The following SLCO3A1 variants were observed in gnomAD, a reference collection of about 807,000 sequenced individuals.
SLCO3A1 encodes the protein PGE1 transporter.
Under a neutral mutation model 63.1 loss-of-function variants are expected in SLCO3A1, and 27 were observed. That is an observed-to-expected ratio of 0.43 (90% CI 0.32 to 0.59). The LOEUF (loss-of-function observed/expected upper bound fraction) is 0.59. SLCO3A1 is among the 20% of genes least tolerant of loss of function. SLCO3A1 has a pLI of 0.09. For synonymous variants in SLCO3A1, 473 were observed against 409.9 expected (o/e 1.15, Z -1.86); for missense variants, 773 against 945.8 (o/e 0.82, Z 2.40).
At position 91,872,347 on chromosome 15, in the gene SLCO3A1, G is replaced by A. The variant is rs986470781; in HGVS notation, c.180+18259G>A. Among the ~76,000 whole-genome samples, 4 of 151,972 alleles carry A rather than the reference G, an allele frequency of 2.6e-5. No individual in the cohort carries two copies. Among genetic ancestry groups the A allele is most frequent in the Non-Finnish European group, 4.4e-5 (3 of 67,980 alleles). On this transcript the variant is annotated intron_variant, in intron 1 of 9. Coordinates refer to ENST00000318445, the MANE Select transcript of SLCO3A1 (RefSeq NM_013272.4). The surrounding 1 kb of genome is among the most constrained non-coding windows in gnomAD (Gnocchi z 4.1). Reference sequence around the variant, plus strand: ...GGAGTTCGAGACCAGCCTGGCCAACGTGGTGAAACCCCTTCTCTACTAAAA... The same window carrying A: ...GGAGTTCGAGACCAGCCTGGCCAACATGGTGAAACCCCTTCTCTACTAAAA...
chr15:92,025,401 C>T (rs1334790368), intron 2 of SLCO3A1, among the ~76,000 whole-genome samples: 2 of 152,102 alleles, frequency 1.3e-5, no homozygotes, highest in Non-Finnish European at 2.9e-5. Flanking sequence ...ACACCATAGG[C>T]ACAAAAGCTA....
chr15:92,135,836 G>A (rs2048050611), intron 7 of SLCO3A1, among the ~76,000 whole-genome samples: 1 of 152,174 alleles, frequency 6.6e-6, no homozygotes, highest in Non-Finnish European at 1.5e-5. Context: ...ATGGCCTGTG[G>A]TGGTACTCCC....
At chr15:92,023,004 A>G (rs1178572007) in intron 2 of SLCO3A1, among the ~76,000 whole-genome samples, 1 of 152,170 alleles carries the variant, frequency 6.6e-6, no homozygotes, top group Non-Finnish European at 1.5e-5. Flanking sequence ...GAATCAACTG[A>G]GTGGATGGTT....
rs141045209 is a variant in SLCO3A1 at position 92,171,479 on chromosome 15, T to C, written c.1997-301T>C. 558 of 294,390 alleles carry C rather than the reference T, an allele frequency of 1.9e-3. 1 individual carries two copies. The highest frequency in any genetic ancestry group is 5.4e-3 in the Middle Eastern group (5 of 928). 18.2% of individuals were successfully genotyped at this position (294,390 alleles called of 1,614,324 possible). A position where few individuals can be genotyped will look rare whatever the true frequency, so the allele number is the denominator to read the frequency against. ...ACTAGTAATTTACATAAGATAAGGA[T>C]AAATTATTGACTGGGATACATCTTA... On this transcript the variant is annotated intron_variant, in intron 10 of 10. Coordinates refer to the SLCO3A1 transcript ENST00000424469.
At chr15:91,966,972 C>T (rs150795650) in intron 2 of SLCO3A1, among the ~76,000 whole-genome samples, 371 of 151,706 alleles carry the variant, frequency 2.4e-3, no homozygotes, top group African/African-American at 8.5e-3. Flanking sequence ...AAGACAAAAG[C>T]GTGGTGCAGT....
chr15:91,863,407 G>T lies in SLCO3A1; in HGVS notation c.180+9319G>T, dbSNP rs1406992276. 1.3e-5 allele frequency among the ~76,000 whole-genome samples: 2 copies of T among 152,258 alleles called. No homozygotes were observed. Among genetic ancestry groups the T allele is most frequent in the Non-Finnish European group, 2.9e-5 (2 of 68,042 alleles). ...GTTGGCTTTCGAGGTTGCTCGTGCA[G>T]TGTAGTGGGATGGCCGTGAGTACAA... On this transcript the variant is annotated intron_variant, in intron 1 of 9. Coordinates refer to ENST00000318445, the MANE Select transcript of SLCO3A1 (RefSeq NM_013272.4). The surrounding 1 kb of genome is among the most constrained non-coding windows in gnomAD (Gnocchi z 4.3).
chr15:92,004,774 G>C (rs558007049), intron 2 of SLCO3A1, among the ~76,000 whole-genome samples: 1 of 152,260 alleles, frequency 6.6e-6, no homozygotes, highest in Admixed American at 6.5e-5. Context: ...CATTAGTCCC[G>C]ACTGAAATCT....
At chr15:92,150,926 T>C (rs1332583779) in intron 8 of SLCO3A1, 24 bp from the exon 9 acceptor site, 7 of 1,584,320 alleles carry the variant, frequency 4.4e-6, no homozygotes, top group East Asian at 4.5e-5. Context: ...GGTTTTTTTT[T>C]TCTCTTCATC....
chr15:92,016,226 T>TAGATAGATAGATAGATA lies in SLCO3A1; in HGVS notation c.647-78654_647-78638dup, dbSNP rs1459819788. ...TTATATAGATAGATAGATAGATAGA[T>TAGATAGATAGATAGATA]AGATAGATAGATAGATAGATAGATA... On this transcript the variant is annotated intron_variant, in intron 2 of 9. Transcript: ENST00000318445. Among the ~76,000 whole-genome samples the TAGATAGATAGATAGATA allele has an allele frequency of 5.4e-4, 39 of 72,420 alleles. No homozygotes were observed. In the Admixed American group the frequency reaches 5.7e-3, roughly 11 times the overall value. The allele number at this position is 72,420 out of a possible 152,430, so 47.5% of individuals were successfully genotyped here.
intron 2 of SLCO3A1, among the ~76,000 whole-genome samples, chr15:91,929,010 T>A (rs1899129941): frequency 1.3e-5 from 2 of 151,620 alleles, no homozygotes; most frequent in Non-Finnish European, 1.5e-5. Flanking sequence ...GGGACAAAAA[T>A]GGTAAGAAGG....
intron 3 of SLCO3A1, among the ~76,000 whole-genome samples, chr15:92,098,508 G>A (rs1283998142): frequency 6.6e-6 from 1 of 152,204 alleles, no homozygotes; most frequent in African/African-American, 2.4e-5. Context: ...GGTGAGAACA[G>A]GACCTTGAAA....
At chr15:92,092,807 G>A (rs754863549) in intron 2 of SLCO3A1, among the ~76,000 whole-genome samples, 8 of 152,108 alleles carry the variant, frequency 5.3e-5, no homozygotes, top group Non-Finnish European at 1.0e-4. Context: ...TTATCTTAAA[G>A]TTATGACAAA....
At chr15:91,876,471 C>G (rs541445880) in intron 1 of SLCO3A1, among the ~76,000 whole-genome samples, 8 of 152,188 alleles carry the variant, frequency 5.3e-5, no homozygotes, top group African/African-American at 7.2e-5. Flanking sequence ...ATCTCAATCC[C>G]GTGGTCAGCC....
intron 2 of SLCO3A1, among the ~76,000 whole-genome samples, chr15:92,081,403 C>T (rs182867394): frequency 1.7e-3 from 259 of 151,730 alleles, no homozygotes; most frequent in Non-Finnish European, 2.6e-3. Context: ...CAGGCTGGAG[C>T]GCAGTGTTGT....
At position 92,147,168 on chromosome 15, in the gene SLCO3A1, T is replaced by TCG. The variant is rs777413410; in HGVS notation, c.1688+10_1688+11dup. ...GTCATCATCCTCATCAGGTAAGCCCTCGGCACAGCCCCGCCTCTCCTCCTT... is the reference window on the plus strand; with the variant it reads ...GTCATCATCCTCATCAGGTAAGCCCTCGCGGCACAGCCCCGCCTCTCCTCCTT... On this transcript the variant is annotated intron_variant, in intron 8 of 9. Transcript: ENST00000318445. 2 of 1,605,154 alleles carry TCG rather than the reference T, an allele frequency of 1.2e-6. No homozygotes were observed. Among genetic ancestry groups the TCG allele is most frequent in the African/African-American group, 2.7e-5 (2 of 74,916 alleles).
At chr15:92,132,057 C>T (rs1329525728) in intron 7 of SLCO3A1, among the ~76,000 whole-genome samples, 1 of 145,726 alleles carries the variant, frequency 6.9e-6, no homozygotes, top group Non-Finnish European at 1.5e-5. Flanking sequence ...CAGCTGGAGG[C>T]CCTGTACTGA....
In SLCO3A1 at chr15:91,897,148, A is replaced by G. The variant is rs1465134187; in HGVS notation, c.181-18845A>G. Reference sequence around the variant, plus strand: ...CCACACTATTTGCCATTGTCTATACAATTGTTGCTTTTAAAATAAAGACAG... The same window carrying G: ...CCACACTATTTGCCATTGTCTATACGATTGTTGCTTTTAAAATAAAGACAG... On this transcript the variant is annotated intron_variant, in intron 1 of 9. Transcript: ENST00000318445. The surrounding 1 kb of genome is among the most constrained non-coding windows in gnomAD (Gnocchi z 4.7). Among the ~76,000 whole-genome samples, 1 of 152,156 alleles carries G rather than the reference A, an allele frequency of 6.6e-6. No homozygotes were observed. Among genetic ancestry groups the G allele is most frequent in the Non-Finnish European group, 1.5e-5 (1 of 68,028 alleles).
At chr15:91,959,778 T>C (rs976330924) in intron 2 of SLCO3A1, among the ~76,000 whole-genome samples, 9 of 151,804 alleles carry the variant, frequency 5.9e-5, no homozygotes, top group Non-Finnish European at 1.3e-4. Flanking sequence ...TTCAGTTGTT[T>C]AGTGTATTCA....
chr15:92,003,985 C>G (rs1250683894), intron 2 of SLCO3A1, among the ~76,000 whole-genome samples: 9 of 152,194 alleles, frequency 5.9e-5, no homozygotes, highest in Non-Finnish European at 1.3e-4. Context: ...TTCTGATAAT[C>G]GTCCAGATTA....
Sources: gnomAD v4.1 joint callset for allele counts (sites outside exome capture counted in the v4.1 genomes callset) on GRCh38, gnomAD v4.1.1 for gene constraint, Gnocchi (gnomAD v3.1) non-coding constraint, MANE v1.5 for transcripts, NCBI Gene and HGNC (gene_info 2026-07-23, HGNC 2026-07-21) for gene names.